Variants in CTNNAL1 observed in about 807,000 individuals in gnomAD.
CTNNAL1 encodes catenin alpha like 1.
Under a neutral mutation model 93.6 loss-of-function variants are expected in CTNNAL1, and 69 were observed. That is an observed-to-expected ratio of 0.74 (90% CI 0.61 to 0.90). The LOEUF is 0.90. Among genes scored for constraint, CTNNAL1 ranks in the 40% least tolerant of loss-of-function variants. The pLI, the probability that CTNNAL1 is intolerant of heterozygous loss-of-function variation, is 0.00. For missense variants in CTNNAL1, 836 were observed against 862.0 expected (o/e 0.97, Z 0.38); for synonymous variants, 286 against 305.4 (o/e 0.94, Z 0.66).
At chr9:108,951,308 C>T (rs1024002603) in intron 14 of CTNNAL1, among the ~76,000 whole-genome samples, 41 of 151,812 alleles carry the variant, frequency 2.7e-4, no homozygotes, top group Non-Finnish European at 3.5e-4. Context: ...AGCCACCATG[C>T]CCGGCAGGGG....
chr9:109,008,211 G>A (rs1827094869), intron 1 of CTNNAL1, among the ~76,000 whole-genome samples: 1 of 136,552 alleles, frequency 7.3e-6, no homozygotes, highest in African/African-American at 2.7e-5. Context: ...AGGCTGGAGT[G>A]CAGTGGCACA....
At chr9:108,992,522 C>G in intron 3 of CTNNAL1, 110 bp downstream of exon 3, 5 of 1,318,918 alleles carry the variant, frequency 3.8e-6, no homozygotes, top group Non-Finnish European at 5.1e-6. Flanking sequence ...CCACAGCTAG[C>G]TGCATTCTTC....
At chr9:108,964,231 C>A (rs1480896653) in intron 11 of CTNNAL1, among the ~76,000 whole-genome samples, 3 of 152,074 alleles carry the variant, frequency 2.0e-5, no homozygotes, top group African/African-American at 7.2e-5. Context: ...TCATACTTTA[C>A]AAATGATGTT....
rs115847262 is a variant in CTNNAL1, at chr9:108,980,905, T to C, written c.901-1424A>G. Among the ~76,000 whole-genome samples the C allele has an allele frequency of 8.5e-3, 1,298 of 152,314 alleles. 13 individuals carry two copies. Among genetic ancestry groups the C allele is most frequent in the African/African-American group, 0.03 (1,250 of 41,564 alleles). On this transcript the variant is annotated intron_variant, in intron 6 of 18. Coordinates refer to ENST00000325551, the MANE Select transcript of CTNNAL1 (RefSeq NM_003798.4). ...TTTTTTTAAAGAGGCTATTTACTGA[T>C]ATGGTTTCATAACATTTGTCCATAT...
chr9:109,011,873 T>A (rs1827213577), intron 1 of CTNNAL1, among the ~76,000 whole-genome samples: 1 of 152,260 alleles, frequency 6.6e-6, no homozygotes, highest in African/African-American at 2.4e-5. Context: ...AAGCATTACA[T>A]AGGTGTTATT....
Position 108,955,689 on chromosome 9 carries a change from T to C in CTNNAL1, c.1629+101A>G, listed in dbSNP as rs112881070. ...TTAATATCCTAACTTTTTTCTGTCA[T>C]GTCAATTATTTGTGGTAGAGGGGAG... On this transcript the variant is annotated intron_variant, in intron 12 of 18. Transcript: ENST00000325551. The C allele has an allele frequency of 8.7e-4, 886 of 1,023,410 alleles. 6 individuals are homozygous for C. The African/African-American group carries it at 0.014, about 16-fold the overall frequency. The allele number at this position is 1,023,410 out of a possible 1,614,324, so 63.4% of individuals were successfully genotyped here. A position where few individuals can be genotyped will look rare whatever the true frequency, so the allele number is the denominator to read the frequency against.
At chr9:108,993,796 T>A (rs1224067981) in intron 2 of CTNNAL1, among the ~76,000 whole-genome samples, 1 of 152,204 alleles carries the variant, frequency 6.6e-6, no homozygotes, top group Non-Finnish European at 1.5e-5. Flanking sequence ...GCCTAATGGA[T>A]TGATTTTCTT....
At chr9:108,997,414 T>A (rs1832063597) in intron 2 of CTNNAL1, among the ~76,000 whole-genome samples, 1 of 152,116 alleles carries the variant, frequency 6.6e-6, no homozygotes, top group African/African-American at 2.4e-5. Flanking sequence ...CAGAAAGACT[T>A]CTATCTAACA....
chr9:108,956,999 A>G (rs2132104089), intron 11 of CTNNAL1, among the ~76,000 whole-genome samples: 1 of 151,750 alleles, frequency 6.6e-6, no homozygotes, highest in South Asian at 2.1e-4. Flanking sequence ...TTAATTTAAA[A>G]TATTGATTAT....
intron 14 of CTNNAL1, among the ~76,000 whole-genome samples, chr9:108,948,844 A>G (rs1830477426): frequency 1.3e-5 from 2 of 152,222 alleles, no homozygotes; most frequent in Non-Finnish European, 1.5e-5. Context: ...CATTAAGAAG[A>G]GCAATGGACT....
chr9:108,992,894 G>A (rs1332087219), intron 2 of CTNNAL1, 75 bp from the exon 3 acceptor site: 53 of 1,453,042 alleles, frequency 3.6e-5, no homozygotes, highest in East Asian at 2.5e-5. Flanking sequence ...AACCTTGAAG[G>A]TAAGGCACAA....
At chr9:108,987,403 C>T (rs937709886) in intron 4 of CTNNAL1, among the ~76,000 whole-genome samples, 2 of 152,196 alleles carry the variant, frequency 1.3e-5, no homozygotes, top group African/African-American at 2.4e-5. Flanking sequence ...TGTTTTGGCA[C>T]CAGTACCATA....
At chr9:108,974,947 G>C (rs898642517) in intron 8 of CTNNAL1, among the ~76,000 whole-genome samples, 5 of 152,138 alleles carry the variant, frequency 3.3e-5, no homozygotes, top group Admixed American at 2.0e-4. Context: ...TGGATCGTTT[G>C]AGGTCAGGAG....
At chr9:108,995,430 C>T (rs1831980671) in intron 2 of CTNNAL1, among the ~76,000 whole-genome samples, 1 of 152,110 alleles carries the variant, frequency 6.6e-6, no homozygotes, top group South Asian at 2.1e-4. Flanking sequence ...CTCATAAGTA[C>T]GTGGGACAGT....
intron 14 of CTNNAL1, among the ~76,000 whole-genome samples, chr9:108,948,981 C>T (rs1830480854): frequency 6.6e-6 from 1 of 151,726 alleles, no homozygotes; most frequent in South Asian, 2.1e-4. Flanking sequence ...GCAAAAACCA[C>T]ATTAAAAACA....
chr9:108,990,987 G>C (rs537771317), intron 3 of CTNNAL1, 142 bp from the exon 4 acceptor site: 27 of 860,050 alleles, frequency 3.1e-5, no homozygotes, highest in Non-Finnish European at 4.5e-5. Flanking sequence ...AGACACACAA[G>C]GGGATGCTCA....
Position 108,984,287 on chromosome 9 carries a change from G to A in CTNNAL1, c.729+60C>T. The A allele has an allele frequency of 4.9e-6, 4 of 815,780 alleles. No homozygotes were observed. The Admixed American group carries it at 8.1e-5, about 16-fold the overall frequency. The allele number at this position is 815,780 out of a possible 1,614,324, so 50.5% of individuals were successfully genotyped here. ...AAAATGTAAATTATGTAAGTTAAAT[G>A]CATTTAGTCGGGTGTTCTAATTATT... is the stretch of plus-strand genomic sequence containing the variant. On this transcript the variant is annotated intron_variant, in intron 5 of 18. Transcript: ENST00000325551.
intron 1 of CTNNAL1, among the ~76,000 whole-genome samples, chr9:108,999,844 A>T (rs1271743862): frequency 6.6e-6 from 1 of 152,246 alleles, no homozygotes; most frequent in African/African-American, 2.4e-5. Flanking sequence ...ACTTGATCCC[A>T]GGCCCTGAAA....
intron 8 of CTNNAL1, 31 bp from the exon 9 acceptor site, chr9:108,972,864 G>GCGCCCCCCCCCCC: frequency 1.4e-5 from 2 of 142,574 alleles, no homozygotes; most frequent in Non-Finnish European, 2.0e-5. Flanking sequence ...GGGGGGGTGG[G>GCGCCCCCCCCCCC]AGGGTGGAGA....
Sources: gnomAD v4.1 joint callset for allele counts (sites outside exome capture counted in the v4.1 genomes callset) on GRCh38, gnomAD v4.1.1 for gene constraint, MANE v1.5 for transcripts, NCBI Gene and HGNC (gene_info 2026-07-23, HGNC 2026-07-21) for gene names.